ELF1: variants seen among roughly 807,000 people sequenced by gnomAD.
ELF1 encodes ETS-related transcription factor Elf-1.
Under a neutral mutation model 59.9 loss-of-function variants are expected in ELF1, and 24 were observed. That is an observed-to-expected ratio of 0.40 (90% CI 0.29 to 0.56). ELF1 has a LOEUF of 0.56. Among genes scored for constraint, ELF1 ranks in the 20% least tolerant of loss-of-function variants. The pLI is 0.44. For missense variants in ELF1, 627 were observed against 742.2 expected, an observed-to-expected ratio of 0.84 and a Z score of 1.80; for synonymous variants, 248 against 266.2, an observed-to-expected ratio of 0.93 and a Z score of 0.67.
chr13:41,041,277 A>C (rs1163395113), intron 1 of ELF1, among the ~76,000 whole-genome samples: 13 of 151,804 alleles, frequency 8.6e-5, no homozygotes, highest in African/African-American at 2.9e-4. Flanking sequence ...AAAAAAAAAA[A>C]AACCTATTAC....
At chr13:41,015,262 G>A (rs1000039882) in intron 1 of ELF1, among the ~76,000 whole-genome samples, 18 of 151,942 alleles carry the variant, frequency 1.2e-4, no homozygotes, top group African/African-American at 4.1e-4. Context: ...GGCCAATATG[G>A]CAGTAGGTTT....
At chr13:40,935,863 C>T (rs1246258789) in intron 8 of ELF1, among the ~76,000 whole-genome samples, 1 of 151,918 alleles carries the variant, frequency 6.6e-6, no homozygotes, top group African/African-American at 2.4e-5. Context: ...TTAGTAGGAA[C>T]AGGGTTTCAC....
In ELF1 at chr13:40,933,878, TTGTAAAATAAACTTCTGAGATCCAG is replaced by T; in HGVS notation, c.1382_1406del (p.Thr461LysfsTer9). 6.2e-7 allele frequency: 1 copy of T among 1,614,244 alleles called. No individual in the cohort carries two copies. The highest frequency in any genetic ancestry group is 8.5e-7 in the Non-Finnish European group (1 of 1,180,038). On this transcript the variant is annotated frameshift_variant, in exon 9 of 9. Transcript: ENST00000239882. LOFTEE classifies it high-confidence loss of function. ...TCATGGGCTGTGATGATGGAATGGC[TTGTAAAATAAACTTCTGAGATCCAG>T]TACCTGCTGATGGATCTGTGCTGGC...
intron 1 of ELF1, among the ~76,000 whole-genome samples, chr13:41,008,428 G>C (rs1027135367): frequency 6.6e-6 from 1 of 152,166 alleles, no homozygotes; most frequent in Non-Finnish European, 1.5e-5. Flanking sequence ...TGGAAAACTT[G>C]TATGTATCTA....
intron 5 of ELF1, among the ~76,000 whole-genome samples, chr13:40,944,397 G>A (rs1288973046): frequency 6.6e-6 from 1 of 152,146 alleles, no homozygotes. Context: ...TATACAGTTA[G>A]TTCTCAAGTA....
chr13:40,958,186 C>T (rs974156376), intron 3 of ELF1, among the ~76,000 whole-genome samples: 13 of 152,192 alleles, frequency 8.5e-5, no homozygotes, highest in African/African-American at 2.9e-4. Context: ...ACTACAATCT[C>T]ACATTTATGT....
intron 1 of ELF1, among the ~76,000 whole-genome samples, chr13:41,008,953 T>C (rs1226688351): frequency 2.6e-5 from 4 of 152,066 alleles, no homozygotes; most frequent in East Asian, 1.9e-4. Context: ...TTTGTCTTTT[T>C]TGCACTTTTT....
At chr13:41,019,126 AAAG>A (rs1875583929) in intron 1 of ELF1, 99 bp downstream of exon 1, 1 of 901,342 alleles carries the variant, frequency 1.1e-6, no homozygotes, top group Non-Finnish European at 1.3e-6. Flanking sequence ...TCAGAGGGTT[AAAG>A]AACACATTCA....
At chr13:41,052,519 C>T (rs550376119) in intron 1 of ELF1, among the ~76,000 whole-genome samples, 4 of 152,122 alleles carry the variant, frequency 2.6e-5, no homozygotes, top group Admixed American at 6.5e-5. Context: ...CATTCAATAC[C>T]TAGGTGAAGA....
At chr13:41,058,910 T>C (rs1255242625) in intron 1 of ELF1, among the ~76,000 whole-genome samples, 1 of 152,120 alleles carries the variant, frequency 6.6e-6, no homozygotes, top group Non-Finnish European at 1.5e-5. Context: ...GAGGCGGAGG[T>C]TGCAGTGAGC....
At chr13:41,051,351 C>T (rs1877081356) in intron 1 of ELF1, among the ~76,000 whole-genome samples, 1 of 151,874 alleles carries the variant, frequency 6.6e-6, no homozygotes, top group African/African-American at 2.4e-5. Flanking sequence ...ACTACTGCCC[C>T]CAATTCATGC....
At chr13:40,999,009 T>G (rs1874266643) in intron 1 of ELF1, among the ~76,000 whole-genome samples, 1 of 152,178 alleles carries the variant, frequency 6.6e-6, no homozygotes, top group East Asian at 1.9e-4. Flanking sequence ...AAAAAAAGAA[T>G]AGTTTAGTTA....
intron 1 of ELF1, among the ~76,000 whole-genome samples, chr13:40,991,439 T>G (rs913014942): frequency 2.6e-5 from 4 of 152,178 alleles, no homozygotes; most frequent in Non-Finnish European, 4.4e-5. Flanking sequence ...ACTTTTATTG[T>G]AAACATTTTT....
At chr13:41,051,934 C>CTTTTTTTTTTTTTT (rs757348738) in intron 1 of ELF1, among the ~76,000 whole-genome samples, 3 of 127,252 alleles carry the variant, frequency 2.4e-5, no homozygotes, top group African/African-American at 5.9e-5. Context: ...TTCTTTTTCT[C>CTTTTTTTTTTTTTT]TTTTTTTTTT....
intron 3 of ELF1, among the ~76,000 whole-genome samples, chr13:40,952,519 G>T (rs1870921114): frequency 6.6e-6 from 1 of 151,808 alleles, no homozygotes; most frequent in South Asian, 2.1e-4. Context: ...AGGCCACCAT[G>T]CCCAGCTAAT....
At chr13:41,028,709 T>C (rs1876046371) in intron 1 of ELF1, among the ~76,000 whole-genome samples, 2 of 152,216 alleles carry the variant, frequency 1.3e-5, no homozygotes. Context: ...GTATTTACTT[T>C]ATATCAGTAT....
chr13:40,994,656 T>C (rs191458011), intron 1 of ELF1, among the ~76,000 whole-genome samples: 1 of 151,316 alleles, frequency 6.6e-6, no homozygotes, highest in East Asian at 1.9e-4. Flanking sequence ...AAGAAAGAAA[T>C]AAACAAGCGA....
chr13:40,953,739 G>T (rs1368343234), intron 3 of ELF1, among the ~76,000 whole-genome samples: 1 of 152,086 alleles, frequency 6.6e-6, no homozygotes, highest in Non-Finnish European at 1.5e-5. Flanking sequence ...CTTCTCAAAG[G>T]CTCCCCGTCA....
intron 1 of ELF1, among the ~76,000 whole-genome samples, chr13:41,030,853 G>A (rs79934619): frequency 0.012 from 1,873 of 151,928 alleles, 43 homozygotes; most frequent in African/African-American, 0.042. Flanking sequence ...GGGAGGTGAC[G>A]AGACTGTTTA....
Sources: allele counts gnomAD v4.1 joint callset (sites outside exome capture counted in the v4.1 genomes callset), GRCh38; gene constraint gnomAD v4.1.1; transcripts MANE v1.5; gene names NCBI Gene and HGNC (gene_info 2026-07-23, HGNC 2026-07-21).